Variants in USP48 observed in about 807,000 individuals in gnomAD.
USP48 encodes ubiquitin carboxyl-terminal hydrolase 48.
USP48 carries 43 observed loss-of-function variants against 150.7 expected under a neutral mutation model. That is an observed-to-expected ratio of 0.29 (90% confidence interval 0.22 to 0.37). The LOEUF (loss-of-function observed/expected upper bound fraction) is 0.37. Among genes scored for constraint, USP48 ranks in the 10% least tolerant of loss-of-function variants. USP48 has a pLI of 1.00. For synonymous variants in USP48, 396 were observed against 425.9 expected, an observed-to-expected ratio of 0.93 and a Z score of 0.86; for missense variants, 813 against 1,249.6, an observed-to-expected ratio of 0.65 and a Z score of 5.27.
intron 10 of USP48, 79 bp from the exon 11 acceptor site, chr1:21,728,798 T>C: frequency 1.3e-6 from 2 of 1,500,578 alleles, no homozygotes; most frequent in South Asian, 1.3e-5. Context: ...CTAAATCATA[T>C]CAAATACTGA....
chr1:21,691,365 G>A (rs1308106920), intron 23 of USP48, among the ~76,000 whole-genome samples: 2 of 151,728 alleles, frequency 1.3e-5, no homozygotes, highest in Admixed American at 6.6e-5. Context: ...TGAGTGTGGT[G>A]GCTCATGCTT....
chr1:21,712,628 CTTT>C (rs11333202), intron 15 of USP48, among the ~76,000 whole-genome samples: 25 of 134,494 alleles, frequency 1.9e-4, no homozygotes, highest in Admixed American at 2.2e-4. Context: ...GAAAACTATC[CTTT>C]TTTTTTTTTT....
intron 25 of USP48, among the ~76,000 whole-genome samples, chr1:21,682,126 T>C (rs965636250): frequency 2.0e-5 from 3 of 152,232 alleles, no homozygotes; most frequent in African/African-American, 7.2e-5. Context: ...CACAGTATCA[T>C]GGCAGACGGT....
At chr1:21,682,164 T>G (rs112968403) in intron 25 of USP48, among the ~76,000 whole-genome samples, 1 of 152,192 alleles carries the variant, frequency 6.6e-6, no homozygotes, top group Non-Finnish European at 1.5e-5. Flanking sequence ...TTTGAAGCCC[T>G]GAATATGTTC....
chr1:21,766,979 G>A (rs1384991643), intron 1 of USP48, among the ~76,000 whole-genome samples: 3 of 151,968 alleles, frequency 2.0e-5, no homozygotes, highest in South Asian at 2.1e-4. Flanking sequence ...CAGGAGAATC[G>A]CCTGCACCCA....
intron 5 of USP48, among the ~76,000 whole-genome samples, chr1:21,752,016 CAA>C (rs943113295): frequency 1.6e-4 from 10 of 63,470 alleles, no homozygotes; most frequent in African/African-American, 2.3e-4. Flanking sequence ...GAGTCCATCT[CAA>C]AAAAAAAAAA....
At chr1:21,704,756 G>C in intron 19 of USP48, 1 of 172,058 alleles carries the variant, frequency 5.8e-6, no homozygotes, top group South Asian at 1.4e-4. Context: ...TTCTGAGACA[G>C]ATAAACTCTA....
At chr1:21,687,318 A>G in intron 24 of USP48, 79 bp from the exon 25 acceptor site, 1 of 1,310,866 alleles carries the variant, frequency 7.6e-7, no homozygotes, top group South Asian at 1.3e-5. Context: ...TGATTCAACT[A>G]CTGATATTGC....
At chr1:21,781,672 T>C (rs2097914909) in intron 1 of USP48, among the ~76,000 whole-genome samples, 1 of 152,234 alleles carries the variant, frequency 6.6e-6, no homozygotes, top group Admixed American at 6.5e-5. Context: ...AAACGGAGGT[T>C]GCAGTGAGCC....
intron 8 of USP48, among the ~76,000 whole-genome samples, chr1:21,743,018 T>G (rs1488981431): frequency 6.6e-6 from 1 of 152,238 alleles, no homozygotes; most frequent in East Asian, 1.9e-4. Flanking sequence ...TTTAAAAATT[T>G]TTTTTTAATA....
intron 25 of USP48, among the ~76,000 whole-genome samples, chr1:21,683,387 T>C: frequency 6.6e-6 from 1 of 152,318 alleles, no homozygotes; most frequent in South Asian, 2.1e-4. Flanking sequence ...TGAATATTTA[T>C]TATTTCTTCT....
chr1:21,694,567 C>T lies in USP48; in HGVS notation c.2883+499G>A, dbSNP rs12748909. Among the ~76,000 whole-genome samples, 3 of 38,472 alleles carry T rather than the reference C, an allele frequency of 7.8e-5. No homozygotes were observed. In the South Asian group the frequency reaches 3.6e-3, roughly 46 times the overall value. 25.2% of individuals were successfully genotyped at this position (38,472 alleles called of 152,430 possible). A position where few individuals can be genotyped will look rare whatever the true frequency, so the allele number is the denominator to read the frequency against. On this transcript the variant is annotated intron_variant, in intron 23 of 26. Coordinates refer to ENST00000308271, the MANE Select transcript of USP48 (RefSeq NM_032236.8). ...CCTGGGTGACAGAGTGAGGCTCTGT[C>T]TCACCAAAAAAAAAAAAAAAAAAAA...
At chr1:21,763,450 C>T (rs927488577) in intron 1 of USP48, among the ~76,000 whole-genome samples, 16 of 152,176 alleles carry the variant, frequency 1.1e-4, no homozygotes, top group African/African-American at 3.6e-4. Flanking sequence ...GCCTTTCATA[C>T]ATAGCCCAAT....
chr1:21,728,449 A>C, intron 11 of USP48, 121 bp downstream of exon 11: 1 of 1,494,628 alleles, frequency 6.7e-7, no homozygotes, highest in East Asian at 2.3e-5. Flanking sequence ...AGAGTGTTTA[A>C]GCTGGCTTTA....
At chr1:21,729,409 T>C (rs2097750475) in intron 10 of USP48, among the ~76,000 whole-genome samples, 1 of 152,160 alleles carries the variant, frequency 6.6e-6, no homozygotes, top group Non-Finnish European at 1.5e-5. Flanking sequence ...AAGTCTAGAA[T>C]ATCTATAGAT....
At chr1:21,779,182 G>A (rs1036997289) in intron 1 of USP48, among the ~76,000 whole-genome samples, 4 of 152,120 alleles carry the variant, frequency 2.6e-5, no homozygotes, top group Non-Finnish European at 4.4e-5. Context: ...AGGCTGCAGT[G>A]AGCCATGATT....
intron 15 of USP48, among the ~76,000 whole-genome samples, chr1:21,708,809 C>A (rs1008869398): frequency 7.2e-6 from 1 of 139,264 alleles, no homozygotes; most frequent in Admixed American, 7.6e-5. Context: ...CGCTTGAACC[C>A]GGGAGGCAGA....
chr1:21,700,259 G>A (rs749682082), intron 22 of USP48, among the ~76,000 whole-genome samples: 84 of 151,986 alleles, frequency 5.5e-4, no homozygotes, highest in Admixed American at 2.0e-3. Context: ...GACTGGGAAG[G>A]ACAACTTAAA....
At chr1:21,682,775 T>C (rs2097569674) in intron 25 of USP48, among the ~76,000 whole-genome samples, 1 of 151,106 alleles carries the variant, frequency 6.6e-6, no homozygotes, top group African/African-American at 2.4e-5. Context: ...CTTGGGAGGC[T>C]GAGGCAGAAG....
Sources: gnomAD v4.1 joint callset for allele counts (sites outside exome capture counted in the v4.1 genomes callset) on GRCh38, gnomAD v4.1.1 for gene constraint, MANE v1.5 for transcripts, NCBI Gene and HGNC (gene_info 2026-07-23, HGNC 2026-07-21) for gene names.